Variants in OSBPL3 observed in about 807,000 individuals in gnomAD.
OSBPL3 encodes oxysterol-binding protein-related protein 3.
Under a neutral mutation model 120.1 loss-of-function variants are expected in OSBPL3, and 65 were observed. The ratio of observed to expected loss-of-function variants is 0.54; its 90% CI spans 0.44 to 0.67. OSBPL3 has a LOEUF of 0.67. Ranked by LOEUF, OSBPL3 falls within the 30% of genes least tolerant of loss-of-function variation. The pLI is 0.00. For synonymous variants in OSBPL3, 416 were observed against 402.6 expected, an observed-to-expected ratio of 1.03 and a Z score of -0.40; for missense variants, 1,004 against 1,082.1, an observed-to-expected ratio of 0.93 and a Z score of 1.01.
At chr7:24,823,298 G>A (rs1220411596) in intron 16 of OSBPL3, among the ~76,000 whole-genome samples, 2 of 122,940 alleles carry the variant, frequency 1.6e-5, no homozygotes, top group Non-Finnish European at 1.8e-5. Context: ...GGATTAGGCA[G>A]AGACTAAGTG....
chr7:24,907,873 T>C (rs1024846860), intron 1 of OSBPL3, among the ~76,000 whole-genome samples: 2 of 152,232 alleles, frequency 1.3e-5, no homozygotes, highest in African/African-American at 2.4e-5. Flanking sequence ...TATTCACCTC[T>C]ACATTCTGTG....
intron 1 of OSBPL3, among the ~76,000 whole-genome samples, chr7:24,904,929 G>C (rs900674826): frequency 2.7e-5 from 4 of 147,668 alleles, no homozygotes; most frequent in Admixed American, 2.7e-4. Flanking sequence ...GTGTGTGTGT[G>C]TGTGTGTGTG....
chr7:24,908,113 T>C (rs1408134521), intron 1 of OSBPL3, among the ~76,000 whole-genome samples: 1 of 152,204 alleles, frequency 6.6e-6, no homozygotes, highest in African/African-American at 2.4e-5. Context: ...TTTCTCTGAC[T>C]TGTTTCAAAT....
intron 20 of OSBPL3, among the ~76,000 whole-genome samples, chr7:24,807,496 AAATAAT>A (rs147177707): frequency 2.7e-4 from 40 of 150,884 alleles, no homozygotes; most frequent in Admixed American, 2.0e-4. Context: ...TCCATCTCAA[AAATAAT>A]AATAATAATA....
chr7:24,876,537 A>T (rs531749137), intron 2 of OSBPL3, among the ~76,000 whole-genome samples: 1 of 152,116 alleles, frequency 6.6e-6, no homozygotes, highest in Non-Finnish European at 1.5e-5. Flanking sequence ...TACTAAGTAT[A>T]TATTTAGTAG....
intron 2 of OSBPL3, among the ~76,000 whole-genome samples, chr7:24,884,610 C>T (rs1804214727): frequency 6.6e-6 from 1 of 152,066 alleles, no homozygotes; most frequent in Non-Finnish European, 1.5e-5. Context: ...TTAAGGGCTC[C>T]CGGGACTCCT....
chr7:24,853,556 G>T (rs946523081), intron 10 of OSBPL3, among the ~76,000 whole-genome samples: 1 of 152,236 alleles, frequency 6.6e-6, no homozygotes, highest in South Asian at 2.1e-4. Context: ...TGGTACTAAA[G>T]GCATTATTGG....
chr7:24,892,710 T>C, intron 1 of OSBPL3, 89 bp from the exon 2 acceptor site: 2 of 867,664 alleles, frequency 2.3e-6, no homozygotes, highest in Non-Finnish European at 1.5e-6. Flanking sequence ...TTAAACATAC[T>C]ACAGATTACA....
At chr7:24,884,100 A>C (rs78997925) in intron 2 of OSBPL3, among the ~76,000 whole-genome samples, 1 of 150,840 alleles carries the variant, frequency 6.6e-6, no homozygotes. Flanking sequence ...ACAAAAAAAA[A>C]CAGCTCCAGG....
intron 1 of OSBPL3, among the ~76,000 whole-genome samples, chr7:24,917,446 T>TATAC (rs1366145573): frequency 0.041 from 4,968 of 122,216 alleles, 236 homozygotes; most frequent in Non-Finnish European, 0.061. Flanking sequence ...TATATATATA[T>TATAC]ACACACACAT....
chr7:24,940,096 A>C lies in OSBPL3; in HGVS notation c.-150+39790T>G, dbSNP rs10242782. On this transcript the variant is annotated intron_variant, in intron 1 of 22. Transcript: ENST00000313367. The surrounding 1 kb of genome is among the most constrained non-coding windows in gnomAD (Gnocchi z 4.4). ...AAATGAAAACAAGTTCAAATGCTGCAAATGAGATTGTGAAAGAAAGTTATA... is the reference window on the plus strand; with the variant it reads ...AAATGAAAACAAGTTCAAATGCTGCCAATGAGATTGTGAAAGAAAGTTATA... Among the ~76,000 whole-genome samples the C allele has an allele frequency of 0.33, 50,481 of 152,124 alleles. 8,929 individuals carry two copies. Among genetic ancestry groups the C allele is most frequent in the Middle Eastern group, 0.44 (129 of 292 alleles).
intron 19 of OSBPL3, among the ~76,000 whole-genome samples, chr7:24,812,480 G>C: frequency 6.6e-6 from 1 of 152,090 alleles, no homozygotes; most frequent in East Asian, 1.9e-4. Context: ...GCTCAGGCCA[G>C]TCCAGCCCAG....
Position 24,862,745 on chromosome 7 carries a change from A to G in OSBPL3, c.870+455T>C, listed in dbSNP as rs577639619. ...TTGGGAGTTTGGAGATAAGAGGCCA[A>G]GGAGAATCTACACCATGTCCTGTGC... On this transcript the variant is annotated intron_variant, in intron 9 of 22. Transcript: ENST00000313367. The surrounding 1 kb of genome is among the most constrained non-coding windows in gnomAD (Gnocchi z 4.4). Among the ~76,000 whole-genome samples, 8 of 152,204 alleles carry G rather than the reference A, an allele frequency of 5.3e-5. No homozygotes were observed. Among genetic ancestry groups the G allele is most frequent in the Admixed American group, 2.0e-4 (3 of 15,294 alleles).
chr7:24,840,875 G>C, intron 13 of OSBPL3, 92 bp from the exon 14 acceptor site: 2 of 636,820 alleles, frequency 3.1e-6, no homozygotes, highest in Non-Finnish European at 5.4e-6. Context: ...CAAACATGTT[G>C]AGTCTCACAG....
intron 1 of OSBPL3, among the ~76,000 whole-genome samples, chr7:24,895,412 G>A (rs1805997887): frequency 6.6e-6 from 1 of 152,198 alleles, no homozygotes; most frequent in Admixed American, 6.5e-5. Context: ...CGGGTGTGTA[G>A]CAGGCTCTGC....
At position 24,912,666 on chromosome 7, in the gene OSBPL3, G is replaced by A. The variant is rs1808988765; in HGVS notation, c.-149-20045C>T. Among the ~76,000 whole-genome samples, 1 of 152,204 alleles carries A rather than the reference G, an allele frequency of 6.6e-6. No homozygotes were observed. The highest frequency in any genetic ancestry group is 2.4e-5 in the African/African-American group (1 of 41,458). On this transcript the variant is annotated intron_variant, in intron 1 of 22. Transcript: ENST00000313367. This position sits in a 1 kb window ranked among gnomAD's most constrained non-coding sequence, Gnocchi z 4.5. ...GACGTCAAGGCTTATTTATGGCTTA[G>A]AGCAAGCTGATGCCAGTTCTGATTC...
intron 2 of OSBPL3, among the ~76,000 whole-genome samples, chr7:24,886,848 C>T (rs1025278588): frequency 2.6e-5 from 4 of 152,128 alleles, no homozygotes; most frequent in South Asian, 2.1e-4. Context: ...TCCTCTGTTC[C>T]TTGTCTCTCA....
At chr7:24,843,774 T>C (rs1258530675) in intron 12 of OSBPL3, among the ~76,000 whole-genome samples, 1 of 152,144 alleles carries the variant, frequency 6.6e-6, no homozygotes, top group Non-Finnish European at 1.5e-5. Context: ...AATCTATAAG[T>C]ATCACAGCTG....
chr7:24,923,675 A>G (rs899458844), intron 1 of OSBPL3, among the ~76,000 whole-genome samples: 2 of 152,216 alleles, frequency 1.3e-5, no homozygotes, highest in African/African-American at 4.8e-5. Flanking sequence ...CGCACATGCA[A>G]TGAGACAGGG....
Sources: allele counts gnomAD v4.1 joint callset (sites outside exome capture counted in the v4.1 genomes callset), GRCh38; gene constraint gnomAD v4.1.1; non-coding constraint Gnocchi (gnomAD v3.1); transcripts MANE v1.5; gene names NCBI Gene and HGNC (gene_info 2026-07-23, HGNC 2026-07-21).